CNTNAP4: variants seen among roughly 807,000 people sequenced by gnomAD.
The protein encoded by CNTNAP4 is contactin-associated protein-like 4.
In CNTNAP4, 98 loss-of-function variants were observed where a neutral mutation model predicts 148.4. That is an observed-to-expected ratio of 0.66 (90% CI 0.56 to 0.78). CNTNAP4 has a LOEUF of 0.78. Among genes scored for constraint, CNTNAP4 ranks in the 30% least tolerant of loss-of-function variants. The probability of loss-of-function intolerance (pLI) is 0.00; values close to 1 mark genes in which losing one functional copy is unlikely to be tolerated. For synonymous variants in CNTNAP4, 730 were observed against 565.1 expected, an observed-to-expected ratio of 1.29 and a Z score of -4.14; for missense variants, 1,935 against 1,565.6, an observed-to-expected ratio of 1.24 and a Z score of -3.98.
chr16:76,443,805 T>C (rs569593405), intron 4 of CNTNAP4, among the ~76,000 whole-genome samples: 2 of 152,286 alleles, frequency 1.3e-5, no homozygotes, highest in Admixed American at 6.5e-5. Flanking sequence ...AATTTTTTAT[T>C]TTTGTATCTG....
At chr16:76,278,444 T>A (rs528223638) in intron 1 of CNTNAP4, among the ~76,000 whole-genome samples, 12 of 152,340 alleles carry the variant, frequency 7.9e-5, no homozygotes, top group African/African-American at 2.6e-4. Context: ...AAATTTGTAA[T>A]TGAATGTTCT....
At chr16:76,412,129 A>G (rs1470376153) in intron 3 of CNTNAP4, among the ~76,000 whole-genome samples, 1 of 151,544 alleles carries the variant, frequency 6.6e-6, no homozygotes, top group Non-Finnish European at 1.5e-5. Flanking sequence ...CTACATAGGT[A>G]TAACTGATTT....
intron 2 of CNTNAP4, among the ~76,000 whole-genome samples, chr16:76,349,887 G>A (rs1218585755): frequency 6.6e-6 from 1 of 151,920 alleles, no homozygotes; most frequent in African/African-American, 2.4e-5. Context: ...CTTTACTGAT[G>A]ACCACCAGGA....
chr16:76,555,790 A>G (rs920262957), intron 23 of CNTNAP4, among the ~76,000 whole-genome samples: 2 of 152,236 alleles, frequency 1.3e-5, no homozygotes, highest in African/African-American at 4.8e-5. Flanking sequence ...TTCACAGGAC[A>G]GAAACAATAT....
intron 3 of CNTNAP4, among the ~76,000 whole-genome samples, chr16:76,409,423 T>C (rs901513345): frequency 2.0e-5 from 3 of 152,004 alleles, no homozygotes; most frequent in Non-Finnish European, 4.4e-5. Context: ...ATAAAAGTTA[T>C]GTATGCACCT....
chr16:76,304,565 G>C (rs571315977), intron 1 of CNTNAP4, among the ~76,000 whole-genome samples: 8 of 152,220 alleles, frequency 5.3e-5, no homozygotes, highest in African/African-American at 1.9e-4. Context: ...GGGAGGATTG[G>C]GATAATCTTC....
At chr16:76,293,688 G>A (rs1329277002) in intron 1 of CNTNAP4, among the ~76,000 whole-genome samples, 2 of 151,966 alleles carry the variant, frequency 1.3e-5, no homozygotes. Flanking sequence ...TCTTTGCTTG[G>A]AACTTACTGG....
intron 17 of CNTNAP4, among the ~76,000 whole-genome samples, chr16:76,524,708 T>C (rs1387020473): frequency 6.6e-6 from 1 of 152,176 alleles, no homozygotes; most frequent in African/African-American, 2.4e-5. Context: ...TGGAGGCAAT[T>C]GGTTAGGCCT....
At chr16:76,554,164 CAT>C (rs914293062) in intron 23 of CNTNAP4, among the ~76,000 whole-genome samples, 41 of 152,264 alleles carry the variant, frequency 2.7e-4, no homozygotes, top group Admixed American at 1.0e-3. Flanking sequence ...TAATTGCTAA[CAT>C]GTGTAATAAT....
At chr16:76,469,817 C>G (rs972382163) in intron 10 of CNTNAP4, among the ~76,000 whole-genome samples, 2 of 152,150 alleles carry the variant, frequency 1.3e-5, no homozygotes, top group African/African-American at 4.8e-5. Flanking sequence ...GTAATCCTAA[C>G]AATCTTAAAA....
rs1469470012 is a variant in CNTNAP4 at position 76,553,521 on chromosome 16, C to G, written c.3661+20C>G. On this transcript the variant is annotated intron_variant, in intron 22 of 23. Transcript: ENST00000611870. ...TTGCAGGTGACTTAGAGTTCTTCCT[C>G]TACTCAGTCACAGACGTAGCTTGTC... 1.3e-6 allele frequency: 2 copies of G among 1,546,568 alleles called. No homozygotes were observed. Among genetic ancestry groups the G allele is most frequent in the African/African-American group, 1.4e-5 (1 of 73,710 alleles).
intron 1 of CNTNAP4, among the ~76,000 whole-genome samples, chr16:76,286,021 G>T (rs1219338385): frequency 1.3e-5 from 2 of 152,042 alleles, no homozygotes; most frequent in African/African-American, 4.8e-5. Flanking sequence ...AGTGCATGTA[G>T]ATTTATATCT....
chr16:76,397,945 C>CAT (rs71134756), intron 3 of CNTNAP4, among the ~76,000 whole-genome samples: 2 of 24,124 alleles, frequency 8.3e-5, no homozygotes, highest in African/African-American at 4.8e-4. Context: ...AGATTATATA[C>CAT]ATATATATAT....
intron 3 of CNTNAP4, among the ~76,000 whole-genome samples, chr16:76,363,993 T>A (rs796659260): frequency 3.1e-4 from 47 of 151,838 alleles, no homozygotes; most frequent in African/African-American, 1.1e-3. Flanking sequence ...TCCCAGCACT[T>A]TGGGAGGCTG....
intron 2 of CNTNAP4, among the ~76,000 whole-genome samples, chr16:76,323,899 G>A (rs1427503569): frequency 6.6e-6 from 1 of 152,142 alleles, no homozygotes; most frequent in Non-Finnish European, 1.5e-5. Context: ...ATTGTGAATG[G>A]CCTTAAGGAA....
intron 4 of CNTNAP4, among the ~76,000 whole-genome samples, chr16:76,438,000 T>C (rs1311406412): frequency 1.3e-5 from 2 of 152,116 alleles, no homozygotes; most frequent in African/African-American, 4.8e-5. Context: ...AAGGTATTAA[T>C]AAAATGAAAG....
intron 14 of CNTNAP4, among the ~76,000 whole-genome samples, chr16:76,498,087 C>T (rs1051228634): frequency 6.6e-6 from 1 of 152,122 alleles, no homozygotes; most frequent in South Asian, 2.1e-4. Context: ...CTACAAGAGA[C>T]ATTTAAATGT....
intron 1 of CNTNAP4, among the ~76,000 whole-genome samples, chr16:76,297,157 A>T (rs1395150436): frequency 6.6e-6 from 1 of 152,198 alleles, no homozygotes; most frequent in Non-Finnish European, 1.5e-5. Flanking sequence ...AAAACAAACA[A>T]CTGCTCTTTA....
At chr16:76,342,810 A>T (rs1485984473) in intron 2 of CNTNAP4, among the ~76,000 whole-genome samples, 1 of 152,210 alleles carries the variant, frequency 6.6e-6, no homozygotes, top group African/African-American at 2.4e-5. Flanking sequence ...TTATATTCCT[A>T]AGTATCTGTG....
Sources: allele counts gnomAD v4.1 joint callset (sites outside exome capture counted in the v4.1 genomes callset), GRCh38; gene constraint gnomAD v4.1.1; transcripts MANE v1.5; gene names NCBI Gene and HGNC (gene_info 2026-07-23, HGNC 2026-07-21).